The following NCBP1 variants were observed in gnomAD, a reference collection of about 807,000 sequenced individuals.
NCBP1 encodes nuclear cap-binding protein subunit 1.
NCBP1 carries 16 observed loss-of-function variants against 111.7 expected under a neutral mutation model. The ratio of observed to expected loss-of-function variants is 0.14; its 90% CI spans 0.10 to 0.22. The LOEUF (loss-of-function observed/expected upper bound fraction) is 0.22. Ranked by LOEUF, NCBP1 falls within the 10% of genes least tolerant of loss-of-function variation. The pLI is 1.00. For synonymous variants in NCBP1, 304 were observed against 314.3 expected, an observed-to-expected ratio of 0.97 and a Z score of 0.35; for missense variants, 607 against 957.5, an observed-to-expected ratio of 0.63 and a Z score of 4.83.
intron 14 of NCBP1, among the ~76,000 whole-genome samples, chr9:97,656,299 A>T (rs1489943255): frequency 1.3e-5 from 2 of 152,222 alleles, no homozygotes; most frequent in African/African-American, 4.8e-5. Flanking sequence ...AAGATGTCAC[A>T]GGCCGGGCGC....
chr9:97,636,509 T>TTA (rs201237105), intron 1 of NCBP1, among the ~76,000 whole-genome samples: 439 of 30,734 alleles, frequency 0.014, 7 homozygotes, highest in African/African-American at 0.025. Context: ...TATTTATATA[T>TTA]TATAAATTTA....
At chr9:97,643,982 C>T (rs1033664549) in intron 4 of NCBP1, among the ~76,000 whole-genome samples, 1 of 152,266 alleles carries the variant, frequency 6.6e-6, no homozygotes, top group Admixed American at 6.5e-5. Context: ...TAGTTCCTTC[C>T]CATTGTCTAC....
At chr9:97,646,616 AC>A (rs1827340855) in intron 6 of NCBP1, among the ~76,000 whole-genome samples, 1 of 152,096 alleles carries the variant, frequency 6.6e-6, no homozygotes, top group South Asian at 2.1e-4. Flanking sequence ...CAGGTGGATC[AC>A]CCGAGGTCAG....
At chr9:97,669,776 C>T (rs1189441120) in intron 22 of NCBP1, 70 bp downstream of exon 22, 2 of 1,168,860 alleles carry the variant, frequency 1.7e-6, no homozygotes, top group Non-Finnish European at 2.5e-6. Flanking sequence ...AAAAAAAATC[C>T]TTGTCAAATT....
chr9:97,662,124 C>T lies in NCBP1; in HGVS notation c.1683C>T (p.His561=), dbSNP rs774446094. Residue 561 remains histidine (H), a synonymous_variant, in exon 17 of 23, where the codon CAC becomes CAT. Coordinates refer to ENST00000375147, the MANE Select transcript of NCBP1 (RefSeq NM_002486.5). ...ACTTGGCAGCCAAATCATTCAGCCA[C>T]TCCTTCAGTGCTCTTGCAAAGTATG... ...LLHLAAKSFS[H]SFSALAKFHE... is the part of the protein sequence containing the mutation. 8.1e-6 allele frequency: 13 copies of T among 1,613,340 alleles called. No homozygotes were observed. The highest frequency in any genetic ancestry group is 1.1e-5 in the Non-Finnish European group (13 of 1,179,282).
intron 1 of NCBP1, among the ~76,000 whole-genome samples, chr9:97,636,330 A>G (rs1353074861): frequency 6.6e-6 from 1 of 151,688 alleles, no homozygotes; most frequent in Non-Finnish European, 1.5e-5. Context: ...GGTAGGAATT[A>G]TTACAGTCAG....
chr9:97,649,411 C>T (rs994112657), intron 8 of NCBP1, among the ~76,000 whole-genome samples: 5 of 152,164 alleles, frequency 3.3e-5, no homozygotes, highest in Admixed American at 6.5e-5. Flanking sequence ...TATGTCCCCT[C>T]AAGAGCAAAA....
At chr9:97,647,918 G>A (rs1827391884) in intron 7 of NCBP1, 90 bp from the exon 8 acceptor site, 1 of 1,120,076 alleles carries the variant, frequency 8.9e-7, no homozygotes, top group East Asian at 2.6e-5. Flanking sequence ...GCTTACTTTT[G>A]TATCCTGTAT....
chr9:97,641,718 T>C, intron 3 of NCBP1, 56 bp downstream of exon 3: 1 of 1,449,310 alleles, frequency 6.9e-7, no homozygotes, highest in Non-Finnish European at 9.3e-7. Flanking sequence ...TACTCTTAAA[T>C]GCTTTGGGAA....
At chr9:97,643,075 A>G in intron 3 of NCBP1, 129 bp from the exon 4 acceptor site, 1 of 891,568 alleles carries the variant, frequency 1.1e-6, no homozygotes, top group Non-Finnish European at 1.6e-6. Flanking sequence ...TTTCTGAAGT[A>G]TTTTTAAAGA....
Position 97,668,734 on chromosome 9 carries a change from T to C in NCBP1, c.2017-112T>C, listed in dbSNP as rs75067511. 692 of 1,217,030 alleles carry C rather than the reference T, an allele frequency of 5.7e-4. 8 individuals carry two copies. The East Asian group carries it at 0.015, about 26-fold the overall frequency. 75.4% of individuals were successfully genotyped at this position (1,217,030 alleles called of 1,614,324 possible). On this transcript the variant is annotated intron_variant, in intron 20 of 22. Transcript: ENST00000375147. ...GCGGGGTGGGGGGGTACTTTCACTA[T>C]AGAATATAAGTCTTAACATTTGGCC...
chr9:97,646,169 A>G (rs1313499132), intron 6 of NCBP1, among the ~76,000 whole-genome samples: 2 of 152,198 alleles, frequency 1.3e-5, no homozygotes, highest in Admixed American at 6.5e-5. Flanking sequence ...CACATACAGT[A>G]TATTTAGTTC....
chr9:97,641,830 T>C (rs1301648612), intron 3 of NCBP1, 168 bp downstream of exon 3: 10 of 432,514 alleles, frequency 2.3e-5, no homozygotes, highest in South Asian at 9.6e-5. Flanking sequence ...GAACTCTTTT[T>C]CTTAGGGATA....
intron 22 of NCBP1, among the ~76,000 whole-genome samples, chr9:97,670,824 C>T (rs1404001731): frequency 1.3e-5 from 2 of 152,144 alleles, no homozygotes; most frequent in African/African-American, 4.8e-5. Context: ...GCTGCCACTG[C>T]CTTGAATCAT....
intron 10 of NCBP1, among the ~76,000 whole-genome samples, chr9:97,653,182 AC>A (rs1274690031): frequency 6.9e-6 from 1 of 145,916 alleles, no homozygotes; most frequent in East Asian, 2.0e-4. Context: ...GTACAGTGAC[AC>A]GACCTCAACT....
At chr9:97,647,924 T>C in intron 7 of NCBP1, 84 bp from the exon 8 acceptor site, 1 of 1,166,402 alleles carries the variant, frequency 8.6e-7, no homozygotes, top group Non-Finnish European at 1.2e-6. Flanking sequence ...TTTTGTATCC[T>C]GTATTTTAAA....
chr9:97,658,009 C>T (rs1284183840), intron 14 of NCBP1, among the ~76,000 whole-genome samples: 3 of 148,568 alleles, frequency 2.0e-5, no homozygotes, highest in African/African-American at 7.4e-5. Flanking sequence ...GATCATCTTG[C>T]GTTTTCTTGC....
chr9:97,648,306 G>A lies in NCBP1; in HGVS notation c.897+83G>A, dbSNP rs1429161333. 1.3e-5 allele frequency: 17 copies of A among 1,286,598 alleles called. No homozygotes were observed. The Admixed American group carries it at 2.8e-4, about 22-fold the overall frequency. The allele number at this position is 1,286,598 out of a possible 1,614,324, so 79.7% of individuals were successfully genotyped here. A position where few individuals can be genotyped will look rare whatever the true frequency, so the allele number is the denominator to read the frequency against. On this transcript the variant is annotated intron_variant, in intron 8 of 22. Transcript: ENST00000375147. The stretch of plus-strand genomic sequence containing the variant: ...TAATCCCGCTTGAATTATGCCTGTG[G>A]TATGTTTTAATTTTGAGTTGTTTTT...
At chr9:97,653,119 C>CTTTTTTTTTTTTTTT (rs57742118) in intron 10 of NCBP1, among the ~76,000 whole-genome samples, 1 of 123,580 alleles carries the variant, frequency 8.1e-6, no homozygotes, top group African/African-American at 3.2e-5. Flanking sequence ...TAAAAGAATT[C>CTTTTTTTTTTTTTTT]TTTTTTTTTT....
Sources: gnomAD v4.1 joint callset for allele counts (sites outside exome capture counted in the v4.1 genomes callset) on GRCh38, gnomAD v4.1.1 for gene constraint, MANE v1.5 for transcripts, NCBI Gene and HGNC (gene_info 2026-07-23, HGNC 2026-07-21) for gene names.